The following AK8 variants were observed in gnomAD, a reference collection of about 807,000 sequenced individuals.
AK8 encodes the protein ATP-AMP transphosphorylase 8.
AK8 carries 44 observed loss-of-function variants against 54.6 expected under a neutral mutation model. The ratio of observed to expected loss-of-function variants is 0.81; its 90% CI spans 0.63 to 1.04. The LOEUF is 1.04. Ranked by LOEUF, AK8 falls within the 50% of genes least tolerant of loss-of-function variation. The pLI is 0.00. For synonymous variants in AK8, 239 were observed against 245.6 expected (o/e 0.97, Z 0.25); for missense variants, 555 against 613.6 (o/e 0.90, Z 1.01).
At chr9:132,841,061 A>T (rs1054408667) in intron 5 of AK8, among the ~76,000 whole-genome samples, 1 of 152,216 alleles carries the variant, frequency 6.6e-6, no homozygotes, top group African/African-American at 2.4e-5. Context: ...GCTAAGTGCT[A>T]TGCTTGGATC....
At chr9:132,862,742 C>A (rs1317463677) in intron 4 of AK8, among the ~76,000 whole-genome samples, 1 of 152,198 alleles carries the variant, frequency 6.6e-6, no homozygotes, top group African/African-American at 2.4e-5. Flanking sequence ...CTCAACAGAG[C>A]TGACTGTGCC....
rs1432252222 is a variant in AK8, at chr9:132,799,622, C to T, written c.980-6847G>A. On this transcript the variant is annotated intron_variant, in intron 10 of 12. Transcript: ENST00000298545. The surrounding 1 kb of genome is among the most constrained non-coding windows in gnomAD (Gnocchi z 5.0). ...ACACACACACACACACACCACACACCCCCACACCCCTACACCCCACCACGT... is the reference window on the plus strand; with the variant it reads ...ACACACACACACACACACCACACACTCCCACACCCCTACACCCCACCACGT... 6.6e-6 allele frequency among the ~76,000 whole-genome samples: 1 copy of T among 151,768 alleles called. No individual in the cohort carries two copies. Among genetic ancestry groups the T allele is most frequent in the Non-Finnish European group, 1.5e-5 (1 of 67,856 alleles).
intron 2 of AK8, among the ~76,000 whole-genome samples, chr9:132,867,176 A>C (rs960948272): frequency 8.5e-5 from 13 of 152,086 alleles, no homozygotes; most frequent in Admixed American, 2.0e-4. Flanking sequence ...TCTGCCTCCA[A>C]GGGGACAGAG....
chr9:132,835,457 C>CA (rs548745393), intron 5 of AK8, among the ~76,000 whole-genome samples: 42 of 152,312 alleles, frequency 2.8e-4, no homozygotes, highest in African/African-American at 9.9e-4. Context: ...CCATTCCCCT[C>CA]AAACACTTTA....
intron 10 of AK8, among the ~76,000 whole-genome samples, chr9:132,796,867 A>C (rs1840198616): frequency 6.6e-6 from 1 of 151,678 alleles, no homozygotes; most frequent in Admixed American, 6.6e-5. Context: ...AATCGGACTC[A>C]AGCCCTTGCT....
chr9:132,759,911 T>C (rs1838373640), intron 11 of AK8, among the ~76,000 whole-genome samples: 1 of 152,082 alleles, frequency 6.6e-6, no homozygotes, highest in South Asian at 2.1e-4. Context: ...TTTGCTCTTC[T>C]ATGTAAATGC....
intron 5 of AK8, among the ~76,000 whole-genome samples, chr9:132,848,818 C>G (rs371641280): frequency 6.6e-6 from 1 of 151,800 alleles, no homozygotes; most frequent in South Asian, 2.1e-4. Context: ...ATCAAGTCGC[C>G]GAGCTTGGAA....
At chr9:132,815,719 A>C (rs1029422771) in intron 9 of AK8, among the ~76,000 whole-genome samples, 15 of 152,252 alleles carry the variant, frequency 9.9e-5, no homozygotes, top group Non-Finnish European at 1.5e-4. Context: ...GGTGCTGGGC[A>C]ACAAGCATGA....
intron 11 of AK8, among the ~76,000 whole-genome samples, chr9:132,747,225 C>T: frequency 6.6e-6 from 1 of 152,090 alleles, no homozygotes; most frequent in East Asian, 1.9e-4. Flanking sequence ...ACTGCAACCT[C>T]CATCTCCTGG....
intron 11 of AK8, among the ~76,000 whole-genome samples, chr9:132,755,219 T>A (rs938543231): frequency 1.3e-5 from 2 of 152,200 alleles, no homozygotes; most frequent in African/African-American, 4.8e-5. Flanking sequence ...GTTTTCATAT[T>A]TTCCATGTGT....
chr9:132,877,993 G>A, intron 1 of AK8, 179 bp downstream of exon 1: 1 of 1,470,560 alleles, frequency 6.8e-7, no homozygotes, highest in Non-Finnish European at 9.2e-7. Flanking sequence ...GACCAGGAGC[G>A]TCCCCAGCTC....
At chr9:132,874,995 G>C (rs897626444) in intron 2 of AK8, 120 bp downstream of exon 2, 7 of 1,295,732 alleles carry the variant, frequency 5.4e-6, no homozygotes. Context: ...AGCTATTCTC[G>C]GGATGGGGCA....
At chr9:132,842,908 C>T (rs1025903691) in intron 5 of AK8, among the ~76,000 whole-genome samples, 7 of 152,238 alleles carry the variant, frequency 4.6e-5, no homozygotes, top group African/African-American at 1.7e-4. Context: ...TGGGCTTCTC[C>T]AACATAGCTG....
At chr9:132,822,434 T>A (rs1281592681) in intron 9 of AK8, among the ~76,000 whole-genome samples, 1 of 151,132 alleles carries the variant, frequency 6.6e-6, no homozygotes, top group African/African-American at 2.4e-5. Flanking sequence ...GGTATGCCTG[T>A]ATAATTTGGG....
intron 10 of AK8, among the ~76,000 whole-genome samples, chr9:132,813,316 G>T (rs1841165975): frequency 6.6e-6 from 1 of 152,144 alleles, no homozygotes; most frequent in Non-Finnish European, 1.5e-5. Context: ...GGGAGGGCTG[G>T]CCAGGACATC....
At chr9:132,818,877 A>G (rs1276802810) in intron 9 of AK8, among the ~76,000 whole-genome samples, 1 of 152,148 alleles carries the variant, frequency 6.6e-6, no homozygotes, top group Non-Finnish European at 1.5e-5. Context: ...ACCCAACTAT[A>G]TGCTGTTTAC....
intron 11 of AK8, among the ~76,000 whole-genome samples, chr9:132,762,796 T>G (rs1838543969): frequency 6.6e-6 from 1 of 152,038 alleles, no homozygotes; most frequent in African/African-American, 2.4e-5. Flanking sequence ...TCCAGCTACT[T>G]GCACCCAGGA....
intron 2 of AK8, among the ~76,000 whole-genome samples, chr9:132,873,739 A>AG (rs1843961646): frequency 6.6e-6 from 1 of 152,130 alleles, no homozygotes; most frequent in East Asian, 1.9e-4. Flanking sequence ...GGGTGGGGGC[A>AG]GGGGGGAATG....
At chr9:132,838,441 C>T (rs761539057) in intron 5 of AK8, among the ~76,000 whole-genome samples, 4 of 152,156 alleles carry the variant, frequency 2.6e-5, no homozygotes, top group Non-Finnish European at 4.4e-5. Flanking sequence ...GAAACACCCC[C>T]GGCCAGTACA....
Sources: gnomAD v4.1 joint callset for allele counts (sites outside exome capture counted in the v4.1 genomes callset) on GRCh38, gnomAD v4.1.1 for gene constraint, Gnocchi (gnomAD v3.1) non-coding constraint, MANE v1.5 for transcripts, NCBI Gene and HGNC (gene_info 2026-07-23, HGNC 2026-07-21) for gene names.